NCKAP5: variants seen among roughly 807,000 people sequenced by gnomAD.
NCKAP5 encodes NCK associated protein 5, also known as nck-associated protein 5.
A neutral mutation model predicts 167.0 loss-of-function variants in NCKAP5; 92 were observed. The ratio of observed to expected loss-of-function variants is 0.55; its 90% CI spans 0.47 to 0.66. NCKAP5 has a LOEUF of 0.66. Ranked by LOEUF, NCKAP5 falls within the 30% of genes least tolerant of loss-of-function variation. The probability of loss-of-function intolerance (pLI) is 0.00; values close to 1 mark genes in which losing one functional copy is unlikely to be tolerated. For missense variants in NCKAP5, 2,378 were observed against 2,315.0 expected, an observed-to-expected ratio of 1.03 and a Z score of -0.56; for synonymous variants, 891 against 877.4, an observed-to-expected ratio of 1.02 and a Z score of -0.27.
At chr2:133,122,369 T>C (rs547241090) in intron 6 of NCKAP5, 5 of 152,346 alleles carry the variant, frequency 3.3e-5, no homozygotes, top group African/African-American at 1.2e-4. Flanking sequence ...AGTTATAATA[T>C]GTTATTAAAA....
At chr2:133,600,756 T>C in the NCKAP5 span, among the ~76,000 whole-genome samples, 2 of 152,198 alleles carry the variant, frequency 1.3e-5, no homozygotes, top group Non-Finnish European at 2.9e-5. Context: ...CAGGCCCTGA[T>C]GTGCGAAGCT....
intron 7 of NCKAP5, among the ~76,000 whole-genome samples, chr2:132,977,714 C>T (rs937364862): frequency 6.6e-6 from 1 of 152,196 alleles, no homozygotes; most frequent in South Asian, 2.1e-4. Flanking sequence ...CACCTATTTG[C>T]ACCTAAATGG....
At chr2:133,583,364 T>C in the NCKAP5 span, among the ~76,000 whole-genome samples, 1 of 152,136 alleles carries the variant, frequency 6.6e-6, no homozygotes, top group East Asian at 1.9e-4. Context: ...GCATGGCACT[T>C]CCCCCTCATC....
At chr2:133,272,571 C>T (rs569233831) in intron 4 of NCKAP5, among the ~76,000 whole-genome samples, 50 of 152,256 alleles carry the variant, frequency 3.3e-4, no homozygotes, top group African/African-American at 1.1e-3. Context: ...GCTGCATAAA[C>T]ATAGGTCCAA....
intron 6 of NCKAP5, among the ~76,000 whole-genome samples, chr2:133,094,583 A>G (rs920798026): frequency 3.9e-5 from 6 of 152,092 alleles, no homozygotes; most frequent in African/African-American, 1.4e-4. Flanking sequence ...TGGTGGGCGG[A>G]ATTGTCAAAT....
intron 3 of NCKAP5, among the ~76,000 whole-genome samples, chr2:133,348,610 T>C (rs899802194): frequency 1.3e-5 from 2 of 152,120 alleles, no homozygotes; most frequent in African/African-American, 4.8e-5. Flanking sequence ...ATTTATATGC[T>C]ATTGATCATG....
chr2:132,776,057 T>C (rs1472771853), intron 15 of NCKAP5, among the ~76,000 whole-genome samples: 1 of 152,214 alleles, frequency 6.6e-6, no homozygotes, highest in Admixed American at 6.5e-5. Flanking sequence ...TAATAATTTA[T>C]TCAAAGTCAT....
intron 4 of NCKAP5, among the ~76,000 whole-genome samples, chr2:133,221,339 T>C (rs2086655430): frequency 6.6e-6 from 1 of 152,202 alleles, no homozygotes; most frequent in Non-Finnish European, 1.5e-5. Context: ...TTAGGTTAAG[T>C]TTCTATAAAG....
chr2:132,895,393 G>C (rs1249494510), intron 8 of NCKAP5, among the ~76,000 whole-genome samples: 1 of 148,314 alleles, frequency 6.7e-6, no homozygotes, highest in Admixed American at 6.8e-5. Flanking sequence ...GGCCATGAGA[G>C]AGAAGTTACC....
At chr2:133,077,086 C>G (rs1255609957) in intron 6 of NCKAP5, among the ~76,000 whole-genome samples, 1 of 151,992 alleles carries the variant, frequency 6.6e-6, no homozygotes, top group Non-Finnish European at 1.5e-5. Context: ...TTTAGAAAAG[C>G]AATTCAAGTC....
chr2:132,932,675 T>C (rs1351145742), intron 8 of NCKAP5, among the ~76,000 whole-genome samples: 1 of 152,122 alleles, frequency 6.6e-6, no homozygotes, highest in Non-Finnish European at 1.5e-5. Flanking sequence ...AGGGGTTTAC[T>C]TTTTCCACAA....
intron 19 of NCKAP5, among the ~76,000 whole-genome samples, chr2:132,687,761 C>T (rs1327197199): frequency 7.6e-6 from 1 of 132,420 alleles, no homozygotes; most frequent in Non-Finnish European, 1.6e-5. Context: ...ACACACCCTT[C>T]CTCTGAAGCT....
chr2:133,659,514 T>A, the NCKAP5 span, among the ~76,000 whole-genome samples: 614 of 152,216 alleles, frequency 4.0e-3, 1 homozygote, highest in Non-Finnish European at 6.2e-3. Context: ...TAATTAAAAT[T>A]TAAAATTTTG....
chr2:133,107,474 C>G (rs749404719), intron 6 of NCKAP5, among the ~76,000 whole-genome samples: 2 of 152,190 alleles, frequency 1.3e-5, no homozygotes, highest in Non-Finnish European at 2.9e-5. Flanking sequence ...AATGTAAATA[C>G]ATGTGTTAAT....
intron 4 of NCKAP5, 68 bp downstream of exon 4, chr2:133,302,969 A>T: frequency 2.8e-6 from 3 of 1,090,828 alleles, no homozygotes; most frequent in Non-Finnish European, 4.1e-6. Flanking sequence ...TAACTGAAAT[A>T]TTTTAGATCA....
chr2:133,414,676 C>T (rs1392642903), intron 3 of NCKAP5, among the ~76,000 whole-genome samples: 6 of 152,198 alleles, frequency 3.9e-5, no homozygotes, highest in Non-Finnish European at 8.8e-5. Flanking sequence ...TATGCACATT[C>T]TTACACATCA....
chr2:132,870,918 A>G (rs774854602), intron 9 of NCKAP5, among the ~76,000 whole-genome samples: 3 of 152,068 alleles, frequency 2.0e-5, no homozygotes, highest in Non-Finnish European at 4.4e-5. Flanking sequence ...AAATCAGATT[A>G]TCTGTAATTG....
At chr2:133,660,408 ATC>A in the NCKAP5 span, among the ~76,000 whole-genome samples, 1 of 152,118 alleles carries the variant, frequency 6.6e-6, no homozygotes, top group African/African-American at 2.4e-5. Context: ...GCATTTGCTT[ATC>A]TGTTTTTCAT....
At chr2:132,963,602 A>G in intron 8 of NCKAP5, 118 bp downstream of exon 8, 1 of 1,054,890 alleles carries the variant, frequency 9.5e-7, no homozygotes, top group Non-Finnish European at 1.4e-6. Flanking sequence ...ATCGTAGATC[A>G]TATTAGTCTG....
Sources: allele counts gnomAD v4.1 joint callset (sites outside exome capture counted in the v4.1 genomes callset), GRCh38; gene constraint gnomAD v4.1.1; transcripts MANE v1.5; gene names NCBI Gene and HGNC (gene_info 2026-07-23, HGNC 2026-07-21).